The following ARMC9 variants were observed in gnomAD, a reference collection of about 807,000 sequenced individuals.
ARMC9 encodes the protein lisH domain-containing protein ARMC9.
In ARMC9, 94 loss-of-function variants were observed where a neutral mutation model predicts 107.0. That is an observed-to-expected ratio of 0.88 (90% confidence interval 0.74 to 1.04). The LOEUF (loss-of-function observed/expected upper bound fraction) is 1.04, where lower values mean the gene tolerates loss of function less well. Ranked by LOEUF, ARMC9 falls within the 50% of genes least tolerant of loss-of-function variation. ARMC9 has a pLI of 0.00. For missense variants in ARMC9, 942 were observed against 1,030.1 expected (o/e 0.91, Z 1.17); for synonymous variants, 380 against 396.9 (o/e 0.96, Z 0.51).
chr2:231,332,890 G>A (rs1171016851), intron 20 of ARMC9, among the ~76,000 whole-genome samples: 1 of 152,208 alleles, frequency 6.6e-6, no homozygotes, highest in Non-Finnish European at 1.5e-5. Context: ...GGACCCCAAA[G>A]TCTTCCTCAC....
At chr2:231,353,980 T>TATACACACAC (rs1395992147) in intron 21 of ARMC9, among the ~76,000 whole-genome samples, 15 of 135,376 alleles carry the variant, frequency 1.1e-4, no homozygotes, top group African/African-American at 4.4e-4. Flanking sequence ...TATGTATATA[T>TATACACACAC]ACACACACAC....
chr2:231,328,687 G>A (rs551842520), intron 19 of ARMC9, among the ~76,000 whole-genome samples: 1 of 152,002 alleles, frequency 6.6e-6, no homozygotes, highest in Admixed American at 6.6e-5. Context: ...ATTGATCTAT[G>A]TGTCTGTCCC....
chr2:231,369,912 G>A (rs1437247175), intron 23 of ARMC9, 41 bp from the exon 24 acceptor site: 6 of 1,439,256 alleles, frequency 4.2e-6, no homozygotes. Flanking sequence ...GGTTTCTAAT[G>A]CTGTAGTAGC....
At chr2:231,210,759 T>C (rs2032716372) in intron 3 of ARMC9, among the ~76,000 whole-genome samples, 1 of 152,210 alleles carries the variant, frequency 6.6e-6, no homozygotes, top group Non-Finnish European at 1.5e-5. Context: ...TTTTAAAAAA[T>C]TGTGATTAAA....
intron 23 of ARMC9, among the ~76,000 whole-genome samples, chr2:231,366,986 G>A (rs2045845610): frequency 6.7e-6 from 1 of 150,362 alleles, no homozygotes; most frequent in African/African-American, 2.4e-5. Flanking sequence ...GAGTAGCTGG[G>A]ACTACAGGCG....
chr2:231,213,487 T>G (rs2033144112), intron 3 of ARMC9, among the ~76,000 whole-genome samples: 2 of 151,132 alleles, frequency 1.3e-5, no homozygotes, highest in South Asian at 4.2e-4. Flanking sequence ...TTTGGTTTTT[T>G]TTTTTTTGAG....
Position 231,276,885 on chromosome 2 carries a change from A to G in ARMC9, c.1474+110A>G, listed in dbSNP as rs529588991. The G allele has an allele frequency of 5.7e-6, 8 of 1,407,782 alleles. No homozygotes were observed. In the East Asian group the frequency reaches 1.9e-4, roughly 33 times the overall value. 87.2% of individuals were successfully genotyped at this position (1,407,782 alleles called of 1,614,324 possible). ...TTTGCTTTTAGTCTCATAGAAAACT[A>G]AAAACAGAAAAAGGAGTAGAAAGCA... is the stretch of plus-strand genomic sequence containing the variant. On this transcript the variant is annotated intron_variant, in intron 15 of 24. Transcript: ENST00000611582.
intron 7 of ARMC9, among the ~76,000 whole-genome samples, chr2:231,228,113 G>A (rs2034833122): frequency 1.3e-5 from 2 of 152,222 alleles, no homozygotes; most frequent in Non-Finnish European, 2.9e-5. Context: ...CCTGGCCACG[G>A]TGCGTCCCGG....
intron 23 of ARMC9, among the ~76,000 whole-genome samples, chr2:231,364,080 A>G (rs536287698): frequency 2.0e-5 from 3 of 152,352 alleles, no homozygotes; most frequent in South Asian, 2.1e-4. Flanking sequence ...GCGAAGAGCC[A>G]AAGTGCATCC....
chr2:231,313,759 T>C (rs1252678570), intron 19 of ARMC9, among the ~76,000 whole-genome samples: 1 of 151,862 alleles, frequency 6.6e-6, no homozygotes, highest in African/African-American at 2.4e-5. Context: ...CATTTTCTTT[T>C]TTTTGTTTGT....
Position 231,371,672 on chromosome 2 carries a change from C to T in ARMC9, c.*137C>T. On this transcript the variant is annotated 3_prime_UTR_variant, in exon 25 of 25. Transcript: ENST00000611582. ...TGGGAGCTGAGGGGAGGCCGGCTCT[C>T]CAGGCAGCACCAGAGCAAGGCCATC... is the stretch of plus-strand genomic sequence containing the variant. 2.3e-6 allele frequency: 2 copies of T among 888,246 alleles called. No individual in the cohort carries two copies. The highest frequency in any genetic ancestry group is 3.9e-4 in the Middle Eastern group (1 of 2,562). The allele number at this position is 888,246 out of a possible 1,614,324, so 55.0% of individuals were successfully genotyped here.
intron 4 of ARMC9, among the ~76,000 whole-genome samples, chr2:231,215,438 T>C (rs539145586): frequency 6.6e-6 from 1 of 152,358 alleles, no homozygotes; most frequent in Admixed American, 6.5e-5. Flanking sequence ...TCGTCTCACC[T>C]TGGCCTCCCA....
At chr2:231,223,815 C>A (rs755047764) in intron 6 of ARMC9, among the ~76,000 whole-genome samples, 7 of 152,192 alleles carry the variant, frequency 4.6e-5, no homozygotes, top group African/African-American at 7.2e-5. Flanking sequence ...CCTTTATATC[C>A]TTAAGGCTTT....
At chr2:231,280,931 T>C (rs2040170811) in intron 16 of ARMC9, among the ~76,000 whole-genome samples, 1 of 152,196 alleles carries the variant, frequency 6.6e-6, no homozygotes, top group South Asian at 2.1e-4. Flanking sequence ...TGCCTTTTTT[T>C]ACCCATCAGC....
intron 12 of ARMC9, among the ~76,000 whole-genome samples, chr2:231,266,734 C>T (rs143349692): frequency 8.0e-4 from 122 of 152,232 alleles, no homozygotes; most frequent in Middle Eastern, 3.4e-3. Flanking sequence ...GCTTATTTCA[C>T]TTAGCTAATG....
chr2:231,342,886 A>C (rs1408128376), intron 20 of ARMC9, among the ~76,000 whole-genome samples: 1 of 150,724 alleles, frequency 6.6e-6, no homozygotes, highest in Admixed American at 6.6e-5. Flanking sequence ...TCTTCTTTCC[A>C]TCCCTCCCCA....
chr2:231,328,814 C>CTTTTTTTTTTTTTTTATTTTTTTTTTTT, intron 19 of ARMC9, among the ~76,000 whole-genome samples: 1 of 127,398 alleles, frequency 7.8e-6, no homozygotes, highest in Non-Finnish European at 1.7e-5. Context: ...CTTTTCTTTT[C>CTTTTTTTTTTTTTTTATTTTTTTTTTTT]TTTTCTTTTT....
At chr2:231,272,500 G>GTGTTTGTTTGTTTGTT (rs61386916) in intron 13 of ARMC9, among the ~76,000 whole-genome samples, 58 of 147,610 alleles carry the variant, frequency 3.9e-4, no homozygotes, top group African/African-American at 1.4e-3. Context: ...CAACCAGTAA[G>GTGTTTGTTTGTTTGTT]TGTTTGTTTG....
chr2:231,222,637 G>T, intron 5 of ARMC9, 91 bp from the exon 6 acceptor site: 1 of 687,298 alleles, frequency 1.5e-6, no homozygotes, highest in Non-Finnish European at 2.4e-6. Context: ...CAATCACTGT[G>T]CAGGGTTTTT....
Sources: gnomAD v4.1 joint callset for allele counts (sites outside exome capture counted in the v4.1 genomes callset) on GRCh38, gnomAD v4.1.1 for gene constraint, MANE v1.5 for transcripts, NCBI Gene and HGNC (gene_info 2026-07-23, HGNC 2026-07-21) for gene names.